The following SPAG16 variants were observed in gnomAD, a reference collection of about 807,000 sequenced individuals.
SPAG16 encodes the protein sperm associated antigen 16, also known as sperm-associated antigen 16 protein.
In SPAG16, 86 loss-of-function variants were observed where a neutral mutation model predicts 80.4. That is an observed-to-expected ratio of 1.07 (90% CI 0.90 to 1.28). SPAG16 has a LOEUF of 1.28. Ranked by LOEUF, SPAG16 falls within the 50% of genes most tolerant of loss-of-function variation. The pLI is 0.00. For synonymous variants in SPAG16, 294 were observed against 265.9 expected, an observed-to-expected ratio of 1.11 and a Z score of -1.03; for missense variants, 870 against 765.3, an observed-to-expected ratio of 1.14 and a Z score of -1.61.
chr2:213,859,731 G>C (rs555903395), intron 10 of SPAG16, among the ~76,000 whole-genome samples: 1 of 152,202 alleles, frequency 6.6e-6, no homozygotes, highest in South Asian at 2.1e-4. Flanking sequence ...AATTTATGTG[G>C]TATCTCTACT....
chr2:213,672,510 T>C (rs1393584064), intron 10 of SPAG16, among the ~76,000 whole-genome samples: 1 of 152,148 alleles, frequency 6.6e-6, no homozygotes. Context: ...CACTGATTAC[T>C]TTTTTGTTCC....
chr2:214,129,479 T>G (rs1194563127), intron 14 of SPAG16, among the ~76,000 whole-genome samples: 2 of 152,196 alleles, frequency 1.3e-5, no homozygotes, highest in Non-Finnish European at 2.9e-5. Flanking sequence ...CTGATCCCTT[T>G]GACTCCATTG....
At chr2:213,444,044 G>A (rs1012410222) in intron 9 of SPAG16, among the ~76,000 whole-genome samples, 6 of 152,204 alleles carry the variant, frequency 3.9e-5, no homozygotes, top group African/African-American at 1.2e-4. Context: ...TGGAGGAGGA[G>A]TGTGAATAGA....
chr2:213,462,219 A>T (rs1330456142), intron 9 of SPAG16, among the ~76,000 whole-genome samples: 2 of 152,158 alleles, frequency 1.3e-5, no homozygotes, highest in Admixed American at 1.3e-4. Context: ...GAAAATAGGG[A>T]ATTCCTACAG....
intron 12 of SPAG16, among the ~76,000 whole-genome samples, chr2:213,993,010 C>T (rs535378814): frequency 6.6e-6 from 1 of 152,236 alleles, no homozygotes; most frequent in South Asian, 2.1e-4. Context: ...AAACTAACAG[C>T]AACATAACGA....
intron 9 of SPAG16, among the ~76,000 whole-genome samples, chr2:213,426,960 T>A (rs1186440553): frequency 6.6e-6 from 1 of 151,970 alleles, no homozygotes; most frequent in Non-Finnish European, 1.5e-5. Context: ...CTTATGTGAA[T>A]GGAGTTAACT....
At chr2:214,085,312 C>T (rs547671358) in intron 13 of SPAG16, among the ~76,000 whole-genome samples, 9 of 148,848 alleles carry the variant, frequency 6.0e-5, no homozygotes, top group African/African-American at 1.2e-4. Context: ...ACGGAGGCTG[C>T]GGTGATCCAA....
At chr2:213,827,008 A>T (rs1295470463) in intron 10 of SPAG16, among the ~76,000 whole-genome samples, 2 of 151,482 alleles carry the variant, frequency 1.3e-5, no homozygotes, top group Non-Finnish European at 3.0e-5. Context: ...TTTTTATGAA[A>T]TCTATTAGTC....
At chr2:214,361,746 CTT>C (rs1699197594) in intron 15 of SPAG16, among the ~76,000 whole-genome samples, 1 of 151,774 alleles carries the variant, frequency 6.6e-6, no homozygotes, top group Non-Finnish European at 1.5e-5. Context: ...CCTTTTATGT[CTT>C]TTTAAAACCC....
chr2:213,706,384 A>C (rs2065753754), intron 10 of SPAG16, among the ~76,000 whole-genome samples: 1 of 152,284 alleles, frequency 6.6e-6, no homozygotes, highest in Non-Finnish European at 1.5e-5. Context: ...TTAAACGAGA[A>C]GGCTAAGAAA....
chr2:213,649,602 G>A (rs2062951163), intron 10 of SPAG16, among the ~76,000 whole-genome samples: 1 of 152,024 alleles, frequency 6.6e-6, no homozygotes, highest in Non-Finnish European at 1.5e-5. Context: ...TTTGAGACAG[G>A]ATCTCACTGT....
intron 12 of SPAG16, among the ~76,000 whole-genome samples, chr2:213,956,855 C>G (rs1044719603): frequency 1.3e-5 from 2 of 152,080 alleles, no homozygotes; most frequent in African/African-American, 4.8e-5. Flanking sequence ...TCATTCATCT[C>G]TAAGTATGTT....
At chr2:213,755,967 T>G (rs1329207067) in intron 10 of SPAG16, among the ~76,000 whole-genome samples, 1 of 152,178 alleles carries the variant, frequency 6.6e-6, no homozygotes, top group African/African-American at 2.4e-5. Flanking sequence ...TCTATATACC[T>G]ATATATGAAA....
intron 10 of SPAG16, among the ~76,000 whole-genome samples, chr2:213,701,918 T>C (rs1427434780): frequency 6.6e-6 from 1 of 151,970 alleles, no homozygotes; most frequent in Non-Finnish European, 1.5e-5. Context: ...CACCAATCAG[T>C]GCTCTGTGTC....
At chr2:213,783,591 C>G (rs1200326740) in intron 10 of SPAG16, among the ~76,000 whole-genome samples, 1 of 106,248 alleles carries the variant, frequency 9.4e-6, no homozygotes, top group African/African-American at 3.3e-5. Flanking sequence ...ACCAAAATCT[C>G]ACCCCCAAAT....
intron 15 of SPAG16, among the ~76,000 whole-genome samples, chr2:214,404,129 AG>A (rs1469575985): frequency 1.3e-5 from 2 of 152,228 alleles, no homozygotes; most frequent in Non-Finnish European, 2.9e-5. Context: ...TGGAGAGCAC[AG>A]AGTTCATGTA....
At chr2:214,360,320 T>A (rs1372747858) in intron 15 of SPAG16, among the ~76,000 whole-genome samples, 1 of 151,978 alleles carries the variant, frequency 6.6e-6, no homozygotes, top group East Asian at 1.9e-4. Context: ...TTTAAGCAAG[T>A]CTCTTTAACT....
At chr2:214,219,652 C>A (rs1025541532) in intron 15 of SPAG16, among the ~76,000 whole-genome samples, 10 of 152,034 alleles carry the variant, frequency 6.6e-5, no homozygotes, top group Non-Finnish European at 1.3e-4. Flanking sequence ...GAATAGACTG[C>A]CCAGAACAGA....
intron 15 of SPAG16, among the ~76,000 whole-genome samples, chr2:214,149,541 T>C: frequency 1.3e-5 from 2 of 152,102 alleles, no homozygotes; most frequent in East Asian, 3.9e-4. Context: ...TGCAAAATAT[T>C]CAAACCTCCA....
Sources: allele counts gnomAD v4.1 joint callset (sites outside exome capture counted in the v4.1 genomes callset), GRCh38; gene constraint gnomAD v4.1.1; transcripts MANE v1.5; gene names NCBI Gene and HGNC (gene_info 2026-07-23, HGNC 2026-07-21).